Variants in SUGCT observed in about 807,000 individuals in gnomAD.
SUGCT encodes the protein succinyl-CoA:glutarate-CoA transferase.
In SUGCT, 41 loss-of-function variants were observed where a neutral mutation model predicts 55.0. That is an observed-to-expected ratio of 0.74 (90% CI 0.58 to 0.97). The LOEUF (loss-of-function observed/expected upper bound fraction) is 0.97, where lower values mean the gene tolerates loss of function less well. Ranked by LOEUF, SUGCT falls within the 50% of genes least tolerant of loss-of-function variation. The pLI, the probability that SUGCT is intolerant of heterozygous loss-of-function variation, is 0.00. For missense variants in SUGCT, 568 were observed against 547.8 expected (o/e 1.04, Z -0.37); for synonymous variants, 187 against 200.4 (o/e 0.93, Z 0.56).
chr7:40,424,602 G>A lies in SUGCT; in HGVS notation c.817-24685G>A, dbSNP rs149892576. On this transcript the variant is annotated intron_variant, in intron 9 of 13. Transcript: ENST00000335693. Reference sequence around the variant, plus strand: ...TCAGTTTCCATACCTATAATAATTCGTAGCCGATGAAGTTGCCACGGGGCT... The same window carrying A: ...TCAGTTTCCATACCTATAATAATTCATAGCCGATGAAGTTGCCACGGGGCT... Among the ~76,000 whole-genome samples, 462 of 152,190 alleles carry A rather than the reference G, an allele frequency of 3.0e-3. 6 individuals are homozygous for A. The highest frequency in any genetic ancestry group is 0.011 in the African/African-American group (439 of 41,550).
intron 12 of SUGCT, among the ~76,000 whole-genome samples, chr7:40,585,609 C>T (rs1441323139): frequency 6.6e-6 from 1 of 152,102 alleles, no homozygotes; most frequent in Non-Finnish European, 1.5e-5. Flanking sequence ...TTAGGCTCAA[C>T]CCATCTTACC....
chr7:40,661,032 A>G (rs1323621208), intron 12 of SUGCT, among the ~76,000 whole-genome samples: 2 of 152,156 alleles, frequency 1.3e-5, no homozygotes, highest in African/African-American at 4.8e-5. Context: ...CAGTGAAAAA[A>G]CATGCAACTT....
intron 12 of SUGCT, among the ~76,000 whole-genome samples, chr7:40,646,233 C>G (rs1800502475): frequency 6.6e-6 from 1 of 152,218 alleles, no homozygotes; most frequent in South Asian, 2.1e-4. Context: ...TGTGACCATA[C>G]TAGTTCAAGG....
intron 6 of SUGCT, among the ~76,000 whole-genome samples, chr7:40,220,745 G>A (rs2150824567): frequency 6.6e-6 from 1 of 152,208 alleles, no homozygotes; most frequent in African/African-American, 2.4e-5. Flanking sequence ...TTTTAGGATT[G>A]CAAATTCTAA....
At chr7:40,899,008 C>A in the SUGCT span, among the ~76,000 whole-genome samples, 2 of 152,094 alleles carry the variant, frequency 1.3e-5, no homozygotes, top group South Asian at 4.1e-4. Flanking sequence ...CAGCCACGTC[C>A]GGCTCTTAGG....
At chr7:40,754,386 C>G (rs762476678) in intron 13 of SUGCT, among the ~76,000 whole-genome samples, 19 of 152,166 alleles carry the variant, frequency 1.2e-4, no homozygotes, top group Non-Finnish European at 2.4e-4. Context: ...TACTAATTTG[C>G]TCTTAATTAA....
intron 13 of SUGCT, among the ~76,000 whole-genome samples, chr7:40,768,323 G>A (rs1296157077): frequency 1.3e-5 from 2 of 151,948 alleles, no homozygotes; most frequent in African/African-American, 2.4e-5. Context: ...AGGAAGCCTC[G>A]GCTGCTTCCT....
the SUGCT span, among the ~76,000 whole-genome samples, chr7:40,995,605 T>G: frequency 2.6e-5 from 4 of 151,164 alleles, no homozygotes; most frequent in East Asian, 3.9e-4. Flanking sequence ...GTTCTTCAGC[T>G]TTTTTTTTCT....
chr7:40,439,050 G>T (rs1583677241), intron 9 of SUGCT, among the ~76,000 whole-genome samples: 1 of 69,992 alleles, frequency 1.4e-5, no homozygotes, highest in African/African-American at 5.3e-5. Context: ...ATATATATAT[G>T]GTATATATAT....
intron 13 of SUGCT, among the ~76,000 whole-genome samples, chr7:40,856,885 C>A (rs1189383490): frequency 6.6e-6 from 1 of 152,208 alleles, no homozygotes; most frequent in Non-Finnish European, 1.5e-5. Flanking sequence ...AAAATTCCCA[C>A]ATTATTTGCT....
the SUGCT span, among the ~76,000 whole-genome samples, chr7:40,975,345 A>G: frequency 2.0e-5 from 3 of 152,192 alleles, no homozygotes; most frequent in African/African-American, 7.2e-5. Context: ...CTTGGGTCCC[A>G]TATCACAGCT....
intron 12 of SUGCT, among the ~76,000 whole-genome samples, chr7:40,729,493 A>G (rs1202985579): frequency 6.6e-6 from 1 of 152,230 alleles, no homozygotes; most frequent in Admixed American, 6.5e-5. Context: ...AAAGAAGATA[A>G]CATTGGAGAT....
At chr7:40,292,421 G>A (rs962760468) in intron 8 of SUGCT, among the ~76,000 whole-genome samples, 5 of 152,158 alleles carry the variant, frequency 3.3e-5, no homozygotes, top group African/African-American at 1.2e-4. Flanking sequence ...ACACTTACAG[G>A]ATAGACGACA....
At chr7:40,561,036 A>G (rs1301680163) in intron 12 of SUGCT, among the ~76,000 whole-genome samples, 1 of 152,244 alleles carries the variant, frequency 6.6e-6, no homozygotes, top group Admixed American at 6.5e-5. Context: ...TTAAATGGTG[A>G]TTATCACCAC....
chr7:40,961,277 C>T, the SUGCT span, among the ~76,000 whole-genome samples: 7 of 152,194 alleles, frequency 4.6e-5, no homozygotes, highest in African/African-American at 1.7e-4. Context: ...TAAGGGAAGG[C>T]TCTGGAGACA....
At chr7:40,772,617 AT>A (rs1359802381) in intron 13 of SUGCT, among the ~76,000 whole-genome samples, 9 of 148,696 alleles carry the variant, frequency 6.1e-5, no homozygotes, top group African/African-American at 2.0e-4. Context: ...CTATCTATCT[AT>A]CTATCTATCT....
At chr7:40,925,998 G>A in the SUGCT span, among the ~76,000 whole-genome samples, 1 of 152,028 alleles carries the variant, frequency 6.6e-6, no homozygotes, top group Non-Finnish European at 1.5e-5. Context: ...GGAGGCCAAG[G>A]TGGGAGGATT....
intron 13 of SUGCT, among the ~76,000 whole-genome samples, chr7:40,812,984 A>C (rs568184203): frequency 2.0e-5 from 3 of 152,114 alleles, no homozygotes; most frequent in African/African-American, 4.8e-5. Context: ...ATCAGAAGTC[A>C]TTCAGGGGCA....
the SUGCT span, among the ~76,000 whole-genome samples, chr7:40,876,172 C>A: frequency 6.6e-6 from 1 of 152,112 alleles, no homozygotes; most frequent in African/African-American, 2.4e-5. Context: ...TTAATTGCAA[C>A]CATAATACCT....
Sources: allele counts gnomAD v4.1 joint callset (sites outside exome capture counted in the v4.1 genomes callset), GRCh38; gene constraint gnomAD v4.1.1; transcripts MANE v1.5; gene names NCBI Gene and HGNC (gene_info 2026-07-23, HGNC 2026-07-21).